Variants in WDFY4 observed in about 807,000 individuals in gnomAD.
WDFY4 encodes the protein WD repeat- and FYVE domain-containing protein 4.
A neutral mutation model predicts 351.9 loss-of-function variants in WDFY4; 169 were observed. The observed-to-expected ratio is 0.48, with a 90% CI of 0.42 to 0.55. The LOEUF (loss-of-function observed/expected upper bound fraction) is 0.55. WDFY4 is among the 20% of genes least tolerant of loss of function. The probability of loss-of-function intolerance (pLI) is 0.00; values close to 1 mark genes in which losing one functional copy is unlikely to be tolerated. For synonymous variants in WDFY4, 1,622 were observed against 1,574.6 expected, an observed-to-expected ratio of 1.03 and a Z score of -0.71; for missense variants, 3,803 against 3,935.6, an observed-to-expected ratio of 0.97 and a Z score of 0.90.
intron 39 of WDFY4, among the ~76,000 whole-genome samples, chr10:48,861,877 A>AT (rs200280646): frequency 0.014 from 2,152 of 152,076 alleles, 35 homozygotes; most frequent in Non-Finnish European, 0.024. Context: ...GACTTTGTTC[A>AT]TTTTTTCCAT....
rs1840783654 is a variant in WDFY4 at position 48,941,860 on chromosome 10, C to A, written c.7629+12C>A. 2 of 1,551,700 alleles carry A rather than the reference C, an allele frequency of 1.3e-6. No individual in the cohort carries two copies. The highest frequency in any genetic ancestry group is 1.2e-5 in the South Asian group (1 of 84,046). On this transcript the variant is annotated intron_variant, in intron 48 of 61. Coordinates refer to ENST00000325239, the MANE Select transcript of WDFY4 (RefSeq NM_001394531.1). ...TGCAGAAGTGGCAGGTACAGTAGCT[C>A]CTCCAGAGGGAAGCCCTCTGGGAAT...
At position 48,935,297 on chromosome 10, in the gene WDFY4, G is replaced by A. The variant is rs185735370; in HGVS notation, c.7587-6509G>A. ...CAGCCTGCAAAGTGAGAGGACGGAA[G>A]GCTGAAAGGGTCTCTAAGACACTCT... On this transcript the variant is annotated intron_variant, in intron 47 of 61. Coordinates refer to ENST00000325239, the MANE Select transcript of WDFY4 (RefSeq NM_001394531.1). The A allele has an allele frequency of 2.6e-5, 4 of 152,366 alleles. No homozygotes were observed. In the East Asian group the frequency reaches 7.7e-4, roughly 29 times the overall value. 9.4% of individuals were successfully genotyped at this position (152,366 alleles called of 1,614,324 possible).
intron 39 of WDFY4, among the ~76,000 whole-genome samples, chr10:48,846,224 G>A (rs2068771313): frequency 1.3e-5 from 2 of 152,168 alleles, no homozygotes; most frequent in Non-Finnish European, 2.9e-5. Context: ...TGGCATCTTT[G>A]CTCCAGGCAG....
At chr10:48,869,938 C>CA (rs994767075) in intron 40 of WDFY4, among the ~76,000 whole-genome samples, 10 of 151,982 alleles carry the variant, frequency 6.6e-5, no homozygotes, top group South Asian at 6.3e-4. Flanking sequence ...CCTTAGGCAA[C>CA]AAAAAAAATG....
chr10:48,945,875 C>T (rs2133777936), intron 49 of WDFY4, among the ~76,000 whole-genome samples, 165 bp from the exon 50 acceptor site: 1 of 152,334 alleles, frequency 6.6e-6, no homozygotes, highest in African/African-American at 2.4e-5. Flanking sequence ...CTTTGTGGAT[C>T]ACTGGCTCTG....
In WDFY4 at chr10:48,697,314, C is replaced by T. The variant is rs1016390077; in HGVS notation, c.-18+12313C>T. On this transcript the variant is annotated intron_variant, in intron 1 of 61. Coordinates refer to ENST00000325239, the MANE Select transcript of WDFY4 (RefSeq NM_001394531.1). The stretch of plus-strand genomic sequence containing the variant: ...GTGATGTTCTATGAGCCACCCACAT[C>T]TCTGGGCATCACAGAGCTCTGGGGG... 3.3e-5 allele frequency among the ~76,000 whole-genome samples: 5 copies of T among 152,368 alleles called. No homozygotes were observed. The East Asian group carries it at 7.7e-4, about 23-fold the overall frequency.
chr10:48,805,605 G>T (rs1211781943), intron 26 of WDFY4, among the ~76,000 whole-genome samples, 184 bp downstream of exon 26: 1 of 152,194 alleles, frequency 6.6e-6, no homozygotes, highest in Non-Finnish European at 1.5e-5. Context: ...GGACAGGCCG[G>T]TTTCCCCAGC....
intron 6 of WDFY4, 36 bp downstream of exon 6, chr10:48,726,106 A>C: frequency 2.6e-6 from 4 of 1,521,026 alleles, no homozygotes; most frequent in Non-Finnish European, 3.6e-6. Flanking sequence ...GCTGTGGGCC[A>C]TGCAAGGGCT....
chr10:48,800,101 G>A (rs768882407), intron 24 of WDFY4, among the ~76,000 whole-genome samples: 2 of 152,130 alleles, frequency 1.3e-5, no homozygotes, highest in Non-Finnish European at 2.9e-5. Flanking sequence ...GGTCAGGATG[G>A]TCTTGATCTC....
At chr10:48,704,257 G>C (rs1402669114) in intron 1 of WDFY4, among the ~76,000 whole-genome samples, 1 of 152,184 alleles carries the variant, frequency 6.6e-6, no homozygotes, top group Non-Finnish European at 1.5e-5. Flanking sequence ...GGCCAAGTTT[G>C]ACCTGGACCC....
rs894170441 is a variant in WDFY4, at chr10:48,790,728, G to A, written c.4068G>A (p.Gly1356=). Reference sequence around the variant, plus strand: ...AAATGCCCACTTTATGCCACACAGGGGTGAGGGTATTCCACTCCAGCCCTG... The same window carrying A: ...AAATGCCCACTTTATGCCACACAGGAGTGAGGGTATTCCACTCCAGCCCTG... ...TIGAVAVGQL[G]VRVFHSSPAA... Residue 1356 remains glycine, a splice_region_variant and synonymous_variant, in exon 23 of 62, where the codon GGG becomes GGA. Coordinates refer to ENST00000325239, the MANE Select transcript of WDFY4 (RefSeq NM_001394531.1). The A allele has an allele frequency of 7.1e-6, 11 of 1,551,542 alleles. No individual in the cohort carries two copies. Among genetic ancestry groups the A allele is most frequent in the South Asian group, 5.9e-5 (5 of 84,048 alleles).
chr10:48,865,719 TTTG>T (rs1159839917), intron 39 of WDFY4, among the ~76,000 whole-genome samples: 3 of 152,128 alleles, frequency 2.0e-5, no homozygotes, highest in South Asian at 4.1e-4. Context: ...GTGGGTAGGT[TTTG>T]TTGTTGTTGT....
chr10:48,818,553 A>G (rs947773796), intron 32 of WDFY4, among the ~76,000 whole-genome samples: 2 of 152,190 alleles, frequency 1.3e-5, no homozygotes, highest in East Asian at 3.9e-4. Flanking sequence ...CATCTCCCAG[A>G]TTGATTGCAA....
chr10:48,794,681 A>G (rs1439668940), intron 23 of WDFY4, among the ~76,000 whole-genome samples: 1 of 152,200 alleles, frequency 6.6e-6, no homozygotes, highest in East Asian at 1.9e-4. Flanking sequence ...AATCAAAGAC[A>G]GTTATGTCAA....
chr10:48,727,823 C>T (rs2064320725), intron 7 of WDFY4, among the ~76,000 whole-genome samples, 164 bp downstream of exon 7: 1 of 152,180 alleles, frequency 6.6e-6, no homozygotes, highest in African/African-American at 2.4e-5. Context: ...GCATGGGGAC[C>T]ACTTCCTTAG....
chr10:48,748,262 A>G (rs1046665207), intron 12 of WDFY4, among the ~76,000 whole-genome samples: 1 of 152,232 alleles, frequency 6.6e-6, no homozygotes, highest in African/African-American at 2.4e-5. Flanking sequence ...TTGAATGTCT[A>G]TGGAGGCTGA....
At position 48,893,999 on chromosome 10, in the gene WDFY4, G is replaced by A. The variant is rs141288773; in HGVS notation, c.7316+3272G>A. ...CAGTACCCTTGACTGCCTGAAATTC[G>A]ATTCATTTTGTAGAACATGTAGGGT... On this transcript the variant is annotated intron_variant, in intron 44 of 61. Coordinates refer to ENST00000325239, the MANE Select transcript of WDFY4 (RefSeq NM_001394531.1). Among the ~76,000 whole-genome samples the A allele has an allele frequency of 4.1e-3, 621 of 152,264 alleles. 3 individuals carry two copies. The highest frequency in any genetic ancestry group is 7.0e-3 in the Non-Finnish European group (478 of 68,030).
chr10:48,715,041 CT>C (rs1565120948), intron 2 of WDFY4, among the ~76,000 whole-genome samples: 1 of 152,232 alleles, frequency 6.6e-6, no homozygotes, highest in African/African-American at 2.4e-5. Context: ...CTCCTAGAGT[CT>C]AGCTGCCATG....
chr10:48,899,356 A>G (rs1837243159), intron 45 of WDFY4, among the ~76,000 whole-genome samples: 1 of 152,232 alleles, frequency 6.6e-6, no homozygotes, highest in South Asian at 2.1e-4. Context: ...ACATCCTTGC[A>G]GATACCTTCT....
Sources: gnomAD v4.1 joint callset for allele counts (sites outside exome capture counted in the v4.1 genomes callset) on GRCh38, gnomAD v4.1.1 for gene constraint, MANE v1.5 for transcripts, NCBI Gene and HGNC (gene_info 2026-07-23, HGNC 2026-07-21) for gene names.